The following CDH23 variants were observed in gnomAD, a reference collection of about 807,000 sequenced individuals.
CDH23 encodes cadherin-23.
In CDH23, 189 loss-of-function variants were observed where a neutral mutation model predicts 317.1. The observed-to-expected ratio is 0.60, with a 90% CI of 0.53 to 0.67. CDH23 has a LOEUF of 0.67. Among genes scored for constraint, CDH23 ranks in the 30% least tolerant of loss-of-function variants. The pLI, the probability that CDH23 is intolerant of heterozygous loss-of-function variation, is 0.00. For synonymous variants in CDH23, 1,839 were observed against 1,876.8 expected (o/e 0.98, Z 0.52); for missense variants, 4,401 against 4,592.4 (o/e 0.96, Z 1.20).
At chr10:71,518,626 G>A (rs890344546) in intron 6 of CDH23, among the ~76,000 whole-genome samples, 9 of 152,180 alleles carry the variant, frequency 5.9e-5, no homozygotes, top group South Asian at 2.1e-4. Flanking sequence ...CCGTGATTTC[G>A]GTCATCAGCT....
At chr10:71,441,700 T>G (rs1849888609) in intron 2 of CDH23, among the ~76,000 whole-genome samples, 1 of 150,136 alleles carries the variant, frequency 6.7e-6, no homozygotes, top group African/African-American at 2.5e-5. Flanking sequence ...CCAGCCTGGG[T>G]GAAAGAGTGA....
intron 3 of CDH23, among the ~76,000 whole-genome samples, chr10:71,469,055 C>T (rs77613153): frequency 0.03 from 4,503 of 152,350 alleles, 102 homozygotes; most frequent in African/African-American, 0.06. Flanking sequence ...CACAACCCTC[C>T]TGGACCCTGT....
At chr10:71,700,862 G>A (rs1486227034) in intron 22 of CDH23, among the ~76,000 whole-genome samples, 1 of 152,208 alleles carries the variant, frequency 6.6e-6, no homozygotes, top group Non-Finnish European at 1.5e-5. Flanking sequence ...CTGGTCTGGT[G>A]GCCCCAGAGA....
chr10:71,405,109 T>A (rs1366808638), intron 1 of CDH23, among the ~76,000 whole-genome samples: 2 of 152,180 alleles, frequency 1.3e-5, no homozygotes, highest in East Asian at 3.9e-4. Flanking sequence ...TGGCTTCGGG[T>A]TAGTGTGGGC....
chr10:71,441,214 G>A (rs183074951), intron 2 of CDH23, among the ~76,000 whole-genome samples: 10 of 152,140 alleles, frequency 6.6e-5, no homozygotes, highest in Admixed American at 3.3e-4. Flanking sequence ...TCCTCCATGG[G>A]GGCTTCTGTC....
At chr10:71,572,807 T>C (rs1488063580) in intron 8 of CDH23, among the ~76,000 whole-genome samples, 2 of 152,218 alleles carry the variant, frequency 1.3e-5, no homozygotes, top group Admixed American at 1.3e-4. Context: ...ATGTTACCTA[T>C]ATATGTGGGT....
chr10:71,656,391 TC>T (rs1394678548), intron 14 of CDH23, among the ~76,000 whole-genome samples: 1 of 151,898 alleles, frequency 6.6e-6, no homozygotes, highest in Non-Finnish European at 1.5e-5. Context: ...CTCTCCTCCT[TC>T]CCCTCCCAGA....
chr10:71,774,051 G>GCACACACACACA (rs57159718), intron 38 of CDH23, among the ~76,000 whole-genome samples: 1 of 88,456 alleles, frequency 1.1e-5, no homozygotes, highest in Non-Finnish European at 2.9e-5. Flanking sequence ...ATGCGCGCGC[G>GCACACACACACA]CACACACACA....
chr10:71,776,443 C>T (rs1434452966), intron 38 of CDH23, among the ~76,000 whole-genome samples: 1 of 152,226 alleles, frequency 6.6e-6, no homozygotes, highest in Non-Finnish European at 1.5e-5. Flanking sequence ...TTCTCTCTAC[C>T]CAGACACCTT....
intron 1 of CDH23, among the ~76,000 whole-genome samples, chr10:71,416,127 C>A (rs1344113770): frequency 6.6e-6 from 1 of 152,162 alleles, no homozygotes; most frequent in African/African-American, 2.4e-5. Context: ...CAGGTTCAAG[C>A]AATTCTCCTG....
intron 3 of CDH23, among the ~76,000 whole-genome samples, chr10:71,462,188 C>T (rs1215959735): frequency 6.6e-6 from 1 of 152,180 alleles, no homozygotes; most frequent in Non-Finnish European, 1.5e-5. Context: ...GCCCGGGAGG[C>T]GAGGTGCTGA....
intron 11 of CDH23, among the ~76,000 whole-genome samples, chr10:71,620,637 C>T (rs1861420944): frequency 1.3e-5 from 2 of 152,320 alleles, no homozygotes; most frequent in South Asian, 4.1e-4. Context: ...GGGACCATTC[C>T]CTGCTCTCCA....
chr10:71,546,236 T>G (rs553761058), intron 6 of CDH23, among the ~76,000 whole-genome samples: 103 of 152,320 alleles, frequency 6.8e-4, no homozygotes, highest in Non-Finnish European at 1.3e-3. Flanking sequence ...TTTCAGCAAC[T>G]GTAACTCAGT....
chr10:71,442,000 C>T (rs1564582364), intron 2 of CDH23, among the ~76,000 whole-genome samples: 1 of 152,196 alleles, frequency 6.6e-6, no homozygotes, highest in African/African-American at 2.4e-5. Flanking sequence ...ATAGGACTTT[C>T]CTTCTCAGGT....
chr10:71,776,592 C>T (rs1444000903), intron 38 of CDH23, among the ~76,000 whole-genome samples: 2 of 152,200 alleles, frequency 1.3e-5, no homozygotes, highest in Non-Finnish European at 1.5e-5. Context: ...TTTAGGAAGG[C>T]TGGTAAAGCA....
At chr10:71,639,108 C>G (rs1466351643) in intron 11 of CDH23, among the ~76,000 whole-genome samples, 7 of 152,240 alleles carry the variant, frequency 4.6e-5, no homozygotes, top group African/African-American at 1.7e-4. Flanking sequence ...GGGCAGCTGC[C>G]AGCTCCGCAG....
intron 6 of CDH23, among the ~76,000 whole-genome samples, chr10:71,562,780 T>C (rs1857198859): frequency 6.6e-6 from 1 of 152,230 alleles, no homozygotes; most frequent in Non-Finnish European, 1.5e-5. Context: ...TTTTTTCTCC[T>C]GCACTGTGCT....
chr10:71,474,412 C>T (rs1423962982), intron 3 of CDH23, among the ~76,000 whole-genome samples: 1 of 152,194 alleles, frequency 6.6e-6, no homozygotes, highest in Non-Finnish European at 1.5e-5. Flanking sequence ...CCTTCAGAGA[C>T]CACCTTAGCC....
Position 71,625,421 on chromosome 10 carries a change from A to AAAAAAAAAC in CDH23, c.1134+8031_1134+8032insAAAAACAAA, listed in dbSNP as rs778124827. Among the ~76,000 whole-genome samples the AAAAAAAAAC allele has an allele frequency of 4.3e-5, 4 of 92,378 alleles. 1 individual carries two copies. The highest frequency in any genetic ancestry group is 5.0e-4 in the South Asian group (1 of 2,008). 60.6% of individuals were successfully genotyped at this position (92,378 alleles called of 152,430 possible). ...TAAAAAAAAAAAAAAAAAAAAAAAA[A>AAAAAAAAAC]AAATGACAAGGAGAAAAGGCCATAT... On this transcript the variant is annotated intron_variant, in intron 11 of 69. Coordinates refer to ENST00000224721, the MANE Select transcript of CDH23 (RefSeq NM_022124.6).
Sources: allele counts gnomAD v4.1 joint callset (sites outside exome capture counted in the v4.1 genomes callset), GRCh38; gene constraint gnomAD v4.1.1; transcripts MANE v1.5; gene names NCBI Gene and HGNC (gene_info 2026-07-23, HGNC 2026-07-21).